AGBL3: variants seen among roughly 807,000 people sequenced by gnomAD.
AGBL3 encodes cytosolic carboxypeptidase 3.
Under a neutral mutation model 94.5 loss-of-function variants are expected in AGBL3, and 68 were observed. The ratio of observed to expected loss-of-function variants is 0.72; its 90% CI spans 0.59 to 0.88. AGBL3 has a LOEUF of 0.88. Among genes scored for constraint, AGBL3 ranks in the 40% least tolerant of loss-of-function variants. The pLI is 0.00. For missense variants in AGBL3, 934 were observed against 1,103.8 expected, an observed-to-expected ratio of 0.85 and a Z score of 2.18; for synonymous variants, 354 against 370.7, an observed-to-expected ratio of 0.95 and a Z score of 0.52.
At chr7:134,997,745 C>T (rs1811188698) in intron 4 of AGBL3, among the ~76,000 whole-genome samples, 1 of 152,168 alleles carries the variant, frequency 6.6e-6, no homozygotes, top group South Asian at 2.1e-4. Flanking sequence ...GAGGCTATCT[C>T]CCAAGAGTTT....
chr7:135,037,605 T>G, intron 8 of AGBL3, 25 bp downstream of exon 8: 1 of 1,501,478 alleles, frequency 6.7e-7, no homozygotes, highest in Non-Finnish European at 8.9e-7. Flanking sequence ...AGGTATTAAC[T>G]TTTCCTTTAT....
chr7:135,058,293 A>T (rs1173262756), intron 11 of AGBL3, among the ~76,000 whole-genome samples: 1 of 152,126 alleles, frequency 6.6e-6, no homozygotes, highest in African/African-American at 2.4e-5. Context: ...AATAATACAT[A>T]AAAAATACAA....
At chr7:134,988,798 C>T (rs1199103297) in intron 2 of AGBL3, among the ~76,000 whole-genome samples, 2 of 148,814 alleles carry the variant, frequency 1.3e-5, no homozygotes, top group Non-Finnish European at 2.9e-5. Flanking sequence ...CCATGCCTGG[C>T]TAATTTTTTT....
chr7:135,091,403 C>T (rs751027226), intron 15 of AGBL3, among the ~76,000 whole-genome samples: 85 of 152,136 alleles, frequency 5.6e-4, no homozygotes, highest in Admixed American at 1.3e-3. Flanking sequence ...AAAAAATTGA[C>T]GCTTGATGTA....
At chr7:135,059,945 G>A (rs894424807) in intron 12 of AGBL3, among the ~76,000 whole-genome samples, 1 of 152,144 alleles carries the variant, frequency 6.6e-6, no homozygotes, top group Non-Finnish European at 1.5e-5. Context: ...TGGGTCTGCC[G>A]GTTGGCTCTG....
At position 135,049,435 on chromosome 7, in the gene AGBL3, G is replaced by A. The variant is rs140227591; in HGVS notation, c.1841+3524G>A. On this transcript the variant is annotated intron_variant, in intron 11 of 16. Coordinates refer to ENST00000436302, the MANE Select transcript of AGBL3 (RefSeq NM_178563.4). ...TCTTTCGTATCAGGTTAATGTGAGC[G>A]TCCTAAAATGAATTGAAAGTTCACT... 4.6e-3 allele frequency among the ~76,000 whole-genome samples: 692 copies of A among 151,912 alleles called. 7 individuals carry two copies. The highest frequency in any genetic ancestry group is 0.015 in the African/African-American group (628 of 41,518).
chr7:135,040,906 A>ACAC (rs1263705354), intron 8 of AGBL3, among the ~76,000 whole-genome samples: 6 of 137,866 alleles, frequency 4.4e-5, no homozygotes, highest in East Asian at 2.4e-4. Context: ...CACACACACA[A>ACAC]AACTAGAACA....
chr7:135,119,046 T>A (rs1297642965), intron 16 of AGBL3, among the ~76,000 whole-genome samples: 2 of 152,036 alleles, frequency 1.3e-5, no homozygotes, highest in African/African-American at 4.8e-5. Flanking sequence ...CAAAATCTAA[T>A]AATATTCACA....
chr7:135,047,335 T>C (rs552265472), intron 11 of AGBL3, among the ~76,000 whole-genome samples: 9 of 152,178 alleles, frequency 5.9e-5, no homozygotes, highest in African/African-American at 2.2e-4. Context: ...TTGTGAATAG[T>C]GCTACAATAA....
intron 13 of AGBL3, among the ~76,000 whole-genome samples, chr7:135,078,416 T>G (rs943423710): frequency 6.6e-6 from 1 of 152,184 alleles, no homozygotes; most frequent in African/African-American, 2.4e-5. Context: ...GAATTAAAAT[T>G]TTATTTATGG....
chr7:135,024,647 T>C (rs990211790), intron 5 of AGBL3, among the ~76,000 whole-genome samples: 1 of 152,162 alleles, frequency 6.6e-6, no homozygotes. Flanking sequence ...TTAACCAGAT[T>C]GAAATGACTG....
intron 11 of AGBL3, among the ~76,000 whole-genome samples, chr7:135,057,665 C>T (rs1209860004): frequency 6.6e-6 from 1 of 152,120 alleles, no homozygotes; most frequent in African/African-American, 2.4e-5. Flanking sequence ...ACACTTGATC[C>T]AGCAATTGCA....
intron 7 of AGBL3, among the ~76,000 whole-genome samples, chr7:135,035,985 AAC>A (rs1163970005): frequency 6.6e-6 from 1 of 152,140 alleles, no homozygotes; most frequent in East Asian, 1.9e-4. Context: ...GCAATAAATT[AAC>A]ACATAATAAA....
chr7:135,033,966 C>T lies in AGBL3; in HGVS notation c.558-183C>T, dbSNP rs1816038312. On this transcript the variant is annotated intron_variant, in intron 6 of 16. Transcript: ENST00000436302. ...TAGAATTAGCATAGAAGCAGTTTCT[C>T]ATCCAATAAAAGGGAAAATTTCAAA... Among the ~76,000 whole-genome samples, 5 of 152,270 alleles carry T rather than the reference C, an allele frequency of 3.3e-5. No homozygotes were observed. In the South Asian group the frequency reaches 8.3e-4, roughly 25 times the overall value.
chr7:135,067,148 C>T (rs981149797), intron 12 of AGBL3, among the ~76,000 whole-genome samples: 3 of 152,192 alleles, frequency 2.0e-5, no homozygotes, highest in Non-Finnish European at 4.4e-5. Context: ...GCTAGCACAG[C>T]AGTCTGAGAT....
At chr7:135,049,837 T>G (rs977987824) in intron 11 of AGBL3, among the ~76,000 whole-genome samples, 1 of 151,860 alleles carries the variant, frequency 6.6e-6, no homozygotes, top group African/African-American at 2.4e-5. Flanking sequence ...TTGTCAATTT[T>G]GGCTTTTCAA....
At chr7:135,043,638 T>C (rs1395487801) in intron 8 of AGBL3, among the ~76,000 whole-genome samples, 1 of 152,144 alleles carries the variant, frequency 6.6e-6, no homozygotes, top group Middle Eastern at 3.2e-3. Flanking sequence ...GATACCCCAT[T>C]TACTCTGATG....
chr7:135,078,045 T>C (rs540241806), intron 13 of AGBL3, among the ~76,000 whole-genome samples: 20 of 152,178 alleles, frequency 1.3e-4, no homozygotes, highest in Non-Finnish European at 2.9e-4. Flanking sequence ...TCATTGGAGC[T>C]ACAAGCTAAA....
intron 15 of AGBL3, chr7:135,099,882 C>CTTTTTTTTTT (rs34324217): frequency 1.6e-5 from 1 of 62,700 alleles, no homozygotes; most frequent in Non-Finnish European, 2.8e-5. Context: ...CTGAGTTTCT[C>CTTTTTTTTTT]TTTTTTTTTT....
Sources: gnomAD v4.1 joint callset for allele counts (sites outside exome capture counted in the v4.1 genomes callset) on GRCh38, gnomAD v4.1.1 for gene constraint, MANE v1.5 for transcripts, NCBI Gene and HGNC (gene_info 2026-07-23, HGNC 2026-07-21) for gene names.